The following CPM variants were observed in gnomAD, a reference collection of about 807,000 sequenced individuals.
CPM encodes the protein renal carboxypeptidase.
In CPM, 35 loss-of-function variants were observed where a neutral mutation model predicts 46.4. The ratio of observed to expected loss-of-function variants is 0.75; its 90% CI spans 0.58 to 1.00. CPM has a LOEUF of 1.00. Ranked by LOEUF, CPM falls within the 50% of genes least tolerant of loss-of-function variation. The pLI, the probability that CPM is intolerant of heterozygous loss-of-function variation, is 0.00. For synonymous variants in CPM, 195 were observed against 195.3 expected (o/e 1.00, Z 0.01); for missense variants, 422 against 530.4 (o/e 0.80, Z 2.01).
At chr12:68,846,093 G>A (rs905626061) in intron 5 of CPM, 2 of 152,184 alleles carry the variant, frequency 1.3e-5, no homozygotes, top group African/African-American at 4.8e-5. Flanking sequence ...TGGAATTATA[G>A]GTGCTCGCCA....
chr12:68,902,501 C>T lies in CPM; in HGVS notation c.161-16612G>A, dbSNP rs771022371. Reference sequence around the variant, plus strand: ...CTGCTTTAGAAATCTCTATTGGTTTCGGACTTTTCCAGTGTTTCACTGAGA... The same window carrying T: ...CTGCTTTAGAAATCTCTATTGGTTTTGGACTTTTCCAGTGTTTCACTGAGA... On this transcript the variant is annotated intron_variant, in intron 2 of 8. Transcript: ENST00000551568. Among the ~76,000 whole-genome samples the T allele has an allele frequency of 5.3e-4, 80 of 152,106 alleles. 1 individual carries two copies. Among genetic ancestry groups the T allele is most frequent in the Non-Finnish European group, 1.0e-4 (7 of 68,026 alleles).
intron 2 of CPM, among the ~76,000 whole-genome samples, chr12:68,886,547 G>T (rs1023441405): frequency 3.0e-4 from 45 of 152,188 alleles, no homozygotes; most frequent in African/African-American, 1.1e-3. Flanking sequence ...CAGGAGAATG[G>T]TGTGAACCCC....
intron 1 of CPM, among the ~76,000 whole-genome samples, chr12:68,956,389 C>T (rs1232271327): frequency 1.3e-5 from 2 of 152,190 alleles, no homozygotes; most frequent in Non-Finnish European, 2.9e-5. Flanking sequence ...GATCCCATCC[C>T]GCCAACTTGG....
At chr12:68,953,367 C>G (rs1047818116) in intron 1 of CPM, among the ~76,000 whole-genome samples, 1 of 152,060 alleles carries the variant, frequency 6.6e-6, no homozygotes, top group African/African-American at 2.4e-5. Context: ...CCTGACTCTT[C>G]TGTTGGAATT....
At chr12:68,845,206 A>G in intron 5 of CPM, 3 of 106,522 alleles carry the variant, frequency 2.8e-5, no homozygotes, top group Non-Finnish European at 5.2e-5. Context: ...TGATACTTAT[A>G]AAAAGAAAAA....
In CPM at chr12:68,948,492, AG is replaced by A. The variant is rs574954314; in HGVS notation, c.-4+14676del. On this transcript the variant is annotated intron_variant, in intron 1 of 8. Transcript: ENST00000546373. ...TTAGTTTCTAGTGTCTGTCTTTTAG[AG>A]TATATAGGGAGTTGGGAAGGCTTTG... Among the ~76,000 whole-genome samples, 402 of 151,534 alleles carry A rather than the reference AG, an allele frequency of 2.7e-3. 2 individuals are homozygous for A. Among genetic ancestry groups the A allele is most frequent in the African/African-American group, 9.4e-3 (388 of 41,280 alleles).
chr12:68,897,565 G>C (rs369816720), intron 2 of CPM, among the ~76,000 whole-genome samples: 1 of 151,872 alleles, frequency 6.6e-6, no homozygotes, highest in Admixed American at 6.6e-5. Flanking sequence ...GGGAAACCTC[G>C]TCTCTACTAA....
downstream of CPM, chr12:68,847,541 C>A (rs1014762609): frequency 1.1e-4 from 15 of 140,442 alleles, no homozygotes; most frequent in Non-Finnish European, 2.0e-4. Flanking sequence ...GCAAGCTCCG[C>A]CTCCCAGGTT....
intron 5 of CPM, chr12:68,843,934 G>C: frequency 4.7e-6 from 1 of 211,444 alleles, no homozygotes; most frequent in Non-Finnish European, 9.6e-6. Flanking sequence ...TCCTTTGGAG[G>C]TCCTCAAAGC....
intron 1 of CPM, among the ~76,000 whole-genome samples, chr12:68,957,070 C>T (rs927492383): frequency 6.6e-6 from 1 of 152,116 alleles, no homozygotes; most frequent in Non-Finnish European, 1.5e-5. Flanking sequence ...CAGACCACCC[C>T]GAGGAAGGGT....
intron 1 of CPM, among the ~76,000 whole-genome samples, chr12:68,954,817 T>C (rs1310287916): frequency 1.3e-5 from 2 of 152,226 alleles, no homozygotes; most frequent in South Asian, 2.1e-4. Context: ...ACTACTGCCA[T>C]CTAATTTTCA....
chr12:68,932,046 A>G (rs985868060), intron 2 of CPM, among the ~76,000 whole-genome samples: 4 of 152,224 alleles, frequency 2.6e-5, no homozygotes, highest in African/African-American at 9.6e-5. Context: ...TGTCTTCTTC[A>G]AATGGATACA....
intron 2 of CPM, among the ~76,000 whole-genome samples, chr12:68,903,879 A>ATTTTTTCT (rs147303133): frequency 1.4e-4 from 20 of 139,948 alleles, no homozygotes; most frequent in Non-Finnish European, 2.3e-4. Context: ...CCTTTCTCTC[A>ATTTTTTCT]TTCTTTCTTT....
intron 1 of CPM, among the ~76,000 whole-genome samples, chr12:68,958,362 T>C (rs1315455513): frequency 6.6e-6 from 1 of 152,192 alleles, no homozygotes; most frequent in Non-Finnish European, 1.5e-5. Context: ...TGTTGTTTCC[T>C]GACTTAAAAA....
At chr12:68,916,444 A>G (rs1887806819) in intron 2 of CPM, among the ~76,000 whole-genome samples, 1 of 152,244 alleles carries the variant, frequency 6.6e-6, no homozygotes, top group Non-Finnish European at 1.5e-5. Flanking sequence ...ACGGCATTCA[A>G]ATAAAAACTT....
chr12:68,899,604 G>T (rs1270532235), intron 2 of CPM, among the ~76,000 whole-genome samples: 3 of 152,184 alleles, frequency 2.0e-5, no homozygotes, highest in Non-Finnish European at 4.4e-5. Flanking sequence ...TGTAGACAAG[G>T]AAATGGTTCA....
intron 2 of CPM, among the ~76,000 whole-genome samples, chr12:68,892,981 G>A (rs888179740): frequency 6.6e-6 from 1 of 152,098 alleles, no homozygotes; most frequent in Non-Finnish European, 1.5e-5. Flanking sequence ...TTGGGGGCAA[G>A]GGGAGGGAGA....
chr12:68,932,947 C>T, intron 1 of CPM, 107 bp from the exon 2 acceptor site: 9 of 992,578 alleles, frequency 9.1e-6, no homozygotes, highest in East Asian at 2.5e-5. Flanking sequence ...GACACTGACG[C>T]TCCCTGCCTC....
chr12:68,877,498 G>A (rs1270818655), intron 3 of CPM, among the ~76,000 whole-genome samples: 1 of 152,122 alleles, frequency 6.6e-6, no homozygotes, highest in African/African-American at 2.4e-5. Flanking sequence ...TTTAAATACC[G>A]AACACATTTT....
Sources: allele counts gnomAD v4.1 joint callset (sites outside exome capture counted in the v4.1 genomes callset), GRCh38; gene constraint gnomAD v4.1.1; transcripts MANE v1.5; gene names NCBI Gene and HGNC (gene_info 2026-07-23, HGNC 2026-07-21).